The following NEK4 variants were observed in gnomAD, a reference collection of about 807,000 sequenced individuals.
NEK4 encodes the protein NIMA related kinase 4.
A neutral mutation model predicts 98.4 loss-of-function variants in NEK4; 86 were observed. The observed-to-expected ratio is 0.87, with a 90% confidence interval of 0.73 to 1.05. NEK4 has a LOEUF of 1.05. NEK4 is among the 50% of genes least tolerant of loss of function. NEK4 has a pLI of 0.00. For synonymous variants in NEK4, 328 were observed against 342.2 expected, an observed-to-expected ratio of 0.96 and a Z score of 0.46; for missense variants, 898 against 950.3, an observed-to-expected ratio of 0.94 and a Z score of 0.72.
chr3:52,737,634 T>C lies in NEK4; in HGVS notation c.2385A>G (p.Leu795=), dbSNP rs1578649049. 1 of 1,613,918 alleles carries C rather than the reference T, an allele frequency of 6.2e-7. No homozygotes were observed. The highest frequency in any genetic ancestry group is 8.5e-7 in the Non-Finnish European group (1 of 1,179,860). The change falls in exon 15 of 16, where the codon TTA becomes TTG. Residue 795 remains leucine (L), a synonymous_variant. Transcript: ENST00000233027. Reference sequence around the variant, plus strand: ...CCTCCAAAAGATCATACACCTGCTCTAAAAGCTGAACTCCCAGGCCACGAA... The same window carrying C: ...CCTCCAAAAGATCATACACCTGCTCCAAAAGCTGAACTCCCAGGCCACGAA... The part of the protein sequence containing the change: ...DVIRGLGVQL[L]EQVYDLLEEE...
At chr3:52,731,189 G>A (rs1407768994) in intron 15 of NEK4, among the ~76,000 whole-genome samples, 1 of 152,170 alleles carries the variant, frequency 6.6e-6, no homozygotes, top group Non-Finnish European at 1.5e-5. Flanking sequence ...ATGGAAAGTT[G>A]AATCCAAAGG....
At chr3:52,744,683 C>CA (rs567707729) in intron 10 of NEK4, among the ~76,000 whole-genome samples, 32,346 of 80,682 alleles carry the variant, frequency 0.4, 5,598 homozygotes, top group East Asian at 0.52. Context: ...GACTCCATCT[C>CA]AAAAAAAAAA....
chr3:52,757,217 C>G (rs1168989972), intron 6 of NEK4, among the ~76,000 whole-genome samples: 1 of 152,118 alleles, frequency 6.6e-6, no homozygotes, highest in East Asian at 1.9e-4. Flanking sequence ...TTAGAATTAC[C>G]ATGTAGTCAG....
intron 15 of NEK4, among the ~76,000 whole-genome samples, chr3:52,730,469 G>A (rs552324175): frequency 6.6e-6 from 1 of 152,186 alleles, no homozygotes; most frequent in Admixed American, 6.6e-5. Context: ...GCTGGGGCCA[G>A]ACAGGGACAC....
In NEK4 at chr3:52,736,151, G is replaced by T. The variant is rs375657279; in HGVS notation, c.2433+1435C>A. On this transcript the variant is annotated intron_variant, in intron 15 of 15. Transcript: ENST00000233027. ...TGTTATTAATTGCCTTTAAAAATCTGTCCTGTTTTTTCCCAGGTACTTAAA... is the reference window on the plus strand; with the variant it reads ...TGTTATTAATTGCCTTTAAAAATCTTTCCTGTTTTTTCCCAGGTACTTAAA... Among the ~76,000 whole-genome samples the T allele has an allele frequency of 2.8e-4, 43 of 152,268 alleles. No homozygotes were observed. The East Asian group carries it at 7.9e-3, about 28-fold the overall frequency.
At chr3:52,748,903 T>C (rs994387007) in intron 8 of NEK4, among the ~76,000 whole-genome samples, 3 of 151,904 alleles carry the variant, frequency 2.0e-5, no homozygotes, top group African/African-American at 4.8e-5. Context: ...CTAGACAACA[T>C]AGGGACACCC....
intron 11 of NEK4, among the ~76,000 whole-genome samples, 173 bp downstream of exon 11, chr3:52,744,066 T>C (rs964755404): frequency 6.6e-6 from 1 of 152,236 alleles, no homozygotes; most frequent in Non-Finnish European, 1.5e-5. Context: ...CAACACCCTA[T>C]GATGATTTCT....
intron 8 of NEK4, among the ~76,000 whole-genome samples, chr3:52,747,152 C>T (rs955161843): frequency 6.6e-6 from 1 of 152,132 alleles, no homozygotes; most frequent in African/African-American, 2.4e-5. Flanking sequence ...ACATAACCTT[C>T]CTCTTAGAAA....
At chr3:52,725,693 T>A (rs1483137581) in intron 15 of NEK4, among the ~76,000 whole-genome samples, 3 of 151,874 alleles carry the variant, frequency 2.0e-5, no homozygotes, top group Admixed American at 2.0e-4. Flanking sequence ...TTAAATATAA[T>A]CTCCATGGTA....
intron 15 of NEK4, among the ~76,000 whole-genome samples, chr3:52,722,437 A>C (rs1180035238): frequency 1.3e-5 from 2 of 152,130 alleles, no homozygotes; most frequent in East Asian, 3.9e-4. Context: ...AGTAAATCCT[A>C]CATCACTGGC....
At chr3:52,733,034 A>T (rs2097371429) in intron 15 of NEK4, 1 of 204,220 alleles carries the variant, frequency 4.9e-6, no homozygotes, top group Admixed American at 4.8e-5. Flanking sequence ...TCTAGTGTTA[A>T]ATAAATACAG....
intron 15 of NEK4, among the ~76,000 whole-genome samples, chr3:52,734,475 C>T (rs1224929448): frequency 3.1e-5 from 4 of 128,750 alleles, no homozygotes; most frequent in African/African-American, 1.1e-4. Context: ...AAGATCGAGA[C>T]CATCCTGGCC....
intron 15 of NEK4, among the ~76,000 whole-genome samples, chr3:52,729,877 G>C (rs1578634541): frequency 6.6e-6 from 1 of 152,094 alleles, no homozygotes. Context: ...TTGGGAAGCC[G>C]AGGTAGGTGG....
intron 1 of NEK4, among the ~76,000 whole-genome samples, chr3:52,769,454 C>G (rs1465322711): frequency 6.6e-6 from 1 of 152,182 alleles, no homozygotes; most frequent in Non-Finnish European, 1.5e-5. Context: ...TGCCCTCAAT[C>G]ATTTCAAAGA....
chr3:52,724,662 G>A lies in NEK4; in HGVS notation c.2434-12793C>T, dbSNP rs570466185. On this transcript the variant is annotated intron_variant, in intron 15 of 15. Coordinates refer to ENST00000233027, the MANE Select transcript of NEK4 (RefSeq NM_003157.6). Reference sequence around the variant, plus strand: ...CAGGAGAATGGTGTTTACCAGAGGCGAAGGGTGGGGAGAATGGGCAGGTGT... The same window carrying A: ...CAGGAGAATGGTGTTTACCAGAGGCAAAGGGTGGGGAGAATGGGCAGGTGT... 5.9e-5 allele frequency among the ~76,000 whole-genome samples: 9 copies of A among 152,330 alleles called. No individual in the cohort carries two copies. In the East Asian group the frequency reaches 9.6e-4, roughly 16 times the overall value.
chr3:52,760,680 T>C, intron 6 of NEK4, 115 bp downstream of exon 6: 2 of 773,910 alleles, frequency 2.6e-6, no homozygotes, highest in Non-Finnish European at 4.4e-6. Flanking sequence ...AAGGAATTAA[T>C]TGTACAACAG....
At chr3:52,712,370 T>C (rs957922140) in intron 15 of NEK4, among the ~76,000 whole-genome samples, 1 of 152,222 alleles carries the variant, frequency 6.6e-6, no homozygotes, top group East Asian at 1.9e-4. Flanking sequence ...TAGGGGACCA[T>C]ACAGACAGGC....
intron 15 of NEK4, among the ~76,000 whole-genome samples, chr3:52,728,718 A>C (rs2097366821): frequency 6.6e-6 from 1 of 152,158 alleles, no homozygotes; most frequent in Non-Finnish European, 1.5e-5. Flanking sequence ...TCTTGCAGAG[A>C]GCCTATAAAC....
At chr3:52,733,269 A>G (rs974325338) in intron 15 of NEK4, 9 of 317,194 alleles carry the variant, frequency 2.8e-5, no homozygotes, top group Admixed American at 1.6e-4. Context: ...CATACTGGAC[A>G]GAAGCCTTAC....
Sources: allele counts gnomAD v4.1 joint callset (sites outside exome capture counted in the v4.1 genomes callset), GRCh38; gene constraint gnomAD v4.1.1; transcripts MANE v1.5; gene names NCBI Gene and HGNC (gene_info 2026-07-23, HGNC 2026-07-21).